The following CLPB variants were observed in gnomAD, a reference collection of about 807,000 sequenced individuals.
CLPB encodes mitochondrial disaggregase.
Under a neutral mutation model 78.4 loss-of-function variants are expected in CLPB, and 40 were observed. The observed-to-expected ratio is 0.51, with a 90% CI of 0.40 to 0.66. The LOEUF is 0.66. Among genes scored for constraint, CLPB ranks in the 30% least tolerant of loss-of-function variants. The pLI is 0.00. For missense variants in CLPB, 780 were observed against 886.9 expected (o/e 0.88, Z 1.53); for synonymous variants, 333 against 348.0 (o/e 0.96, Z 0.48).
chr11:72,422,723 C>T (rs1856247105), intron 2 of CLPB, among the ~76,000 whole-genome samples: 1 of 152,200 alleles, frequency 6.6e-6, no homozygotes. Context: ...ATCTTCCCAT[C>T]CAGCCAAAAT....
chr11:72,303,077 G>A (rs1949688439), intron 9 of CLPB: 1 of 152,280 alleles, frequency 6.6e-6, no homozygotes, highest in Non-Finnish European at 1.5e-5. Flanking sequence ...CTTGCATTAT[G>A]TGATCTGAAG....
rs537859125 is a variant in CLPB, at chr11:72,300,563, C to T, written c.1329+1240G>A. 6.6e-5 allele frequency among the ~76,000 whole-genome samples: 10 copies of T among 152,172 alleles called. No individual in the cohort carries two copies. The Middle Eastern group carries it at 0.01, about 155-fold the overall frequency. ...GAAGGGCTAGGAAGATACAACGGAA[C>T]GGGCAGGGGCAAGGAGGCTGGGCCA... On this transcript the variant is annotated intron_variant, in intron 11 of 15. Coordinates refer to ENST00000538039, the MANE Select transcript of CLPB (RefSeq NM_001258392.3).
At position 72,322,149 on chromosome 11, in the gene CLPB, T is replaced by C. The variant is rs34943388; in HGVS notation, c.874-4929A>G. Among the ~76,000 whole-genome samples, 674 of 152,230 alleles carry C rather than the reference T, an allele frequency of 4.4e-3. 2 individuals are homozygous for C. The highest frequency in any genetic ancestry group is 7.7e-3 in the Non-Finnish European group (521 of 68,008). On this transcript the variant is annotated intron_variant, in intron 6 of 15. Transcript: ENST00000538039. ...CTAGTCCACAAAGGACACATCCCTG[T>C]AGAGGAAGGCCGAAAACAAAGCAGG...
At chr11:72,316,997 A>G (rs1949954660) in intron 7 of CLPB, 109 bp downstream of exon 7, 1 of 688,496 alleles carries the variant, frequency 1.5e-6, no homozygotes, top group Non-Finnish European at 2.4e-6. Context: ...ATAGTACTCA[A>G]CAAATGCTAA....
chr11:72,359,180 G>C, intron 4 of CLPB, 172 bp from the exon 5 acceptor site: 1 of 874,798 alleles, frequency 1.1e-6, no homozygotes, highest in Non-Finnish European at 1.9e-6. Context: ...AGGCAAAACA[G>C]AGGCCAGTTA....
At chr11:72,341,439 T>A (rs1950418709) in intron 5 of CLPB, among the ~76,000 whole-genome samples, 1 of 152,088 alleles carries the variant, frequency 6.6e-6, no homozygotes, top group Admixed American at 6.6e-5. Context: ...AATAAAATAG[T>A]CTCCTAAAAT....
chr11:72,433,591 A>C (rs1267784067), intron 1 of CLPB, among the ~76,000 whole-genome samples: 1 of 149,770 alleles, frequency 6.7e-6, no homozygotes, highest in Admixed American at 6.6e-5. Flanking sequence ...AAATAAATAA[A>C]TTGAGGTCAA....
At chr11:72,315,785 A>G (rs1197535563) in intron 7 of CLPB, among the ~76,000 whole-genome samples, 4 of 152,108 alleles carry the variant, frequency 2.6e-5, no homozygotes, top group Non-Finnish European at 4.4e-5. Flanking sequence ...CCTACCACAC[A>G]TGTGACACTA....
chr11:72,306,165 C>T (rs1949742792), intron 9 of CLPB, among the ~76,000 whole-genome samples: 1 of 152,258 alleles, frequency 6.6e-6, no homozygotes, highest in South Asian at 2.1e-4. Context: ...AGCACAGCTA[C>T]TGGCAGAGCT....
At chr11:72,403,632 A>G (rs1277484633) in intron 2 of CLPB, among the ~76,000 whole-genome samples, 1 of 152,184 alleles carries the variant, frequency 6.6e-6, no homozygotes, top group Non-Finnish European at 1.5e-5. Context: ...CCTCAAGTTT[A>G]TCTGTACTGT....
intron 4 of CLPB, among the ~76,000 whole-genome samples, chr11:72,366,650 A>C (rs541202224): frequency 2.9e-4 from 44 of 152,326 alleles, no homozygotes; most frequent in African/African-American, 9.4e-4. Flanking sequence ...ACATATGAAA[A>C]AATGTTCAAC....
chr11:72,294,680 T>A lies in CLPB; in HGVS notation c.1500A>T (p.Ile500=). ...RIAENLGDVQ[I]SDKITISKNF... is the part of the protein sequence containing the mutation. ...TCTTTGAGATGGTGATCTTGTCACT[T>A]ATCTGGACATCCCCTGTGGAGAAGA... The change falls in exon 13 of 16, where the codon ATA becomes ATT. Residue 500 remains isoleucine (I), a synonymous_variant. Coordinates refer to ENST00000538039, the MANE Select transcript of CLPB (RefSeq NM_001258392.3). The A allele has an allele frequency of 3.7e-6, 6 of 1,613,880 alleles. No individual in the cohort carries two copies. The highest frequency in any genetic ancestry group is 5.1e-6 in the Non-Finnish European group (6 of 1,179,690).
chr11:72,302,132 T>C, intron 10 of CLPB, 168 bp from the exon 11 acceptor site: 1 of 969,558 alleles, frequency 1.0e-6, no homozygotes, highest in South Asian at 1.6e-5. Flanking sequence ...CTATGTTTAT[T>C]CTTCAGAGCA....
At chr11:72,309,604 C>T (rs1427160589) in intron 7 of CLPB, among the ~76,000 whole-genome samples, 4 of 152,210 alleles carry the variant, frequency 2.6e-5, no homozygotes, top group African/African-American at 9.6e-5. Context: ...CAGATAGAGA[C>T]TTGCCCAAGT....
rs1949437614 is a variant in CLPB at position 72,290,431 on chromosome 11, A to T, written c.*2936T>A. The T allele has an allele frequency of 6.6e-6, 1 of 152,254 alleles. No individual in the cohort carries two copies. Among genetic ancestry groups the T allele is most frequent in the Non-Finnish European group, 1.5e-5 (1 of 68,042 alleles). 9.4% of individuals were successfully genotyped at this position (152,254 alleles called of 1,614,324 possible). On this transcript the variant is annotated 3_prime_UTR_variant, in exon 16 of 16. Coordinates refer to ENST00000538039, the MANE Select transcript of CLPB (RefSeq NM_001258392.3). Reference sequence around the variant, plus strand: ...AGAATACCAATTAATAAATACAGGTAAAATAATGAAACAAAGTCACCATTA... The same window carrying T: ...AGAATACCAATTAATAAATACAGGTTAAATAATGAAACAAAGTCACCATTA...
chr11:72,362,848 A>C (rs1950866095), intron 4 of CLPB, among the ~76,000 whole-genome samples: 1 of 152,206 alleles, frequency 6.6e-6, no homozygotes, highest in South Asian at 2.1e-4. Flanking sequence ...TTCCTCTCAG[A>C]AAGGCACAGT....
At chr11:72,377,683 A>AAGGGGAAGGGG (rs1854756077) in intron 4 of CLPB, among the ~76,000 whole-genome samples, 1 of 150,278 alleles carries the variant, frequency 6.7e-6, no homozygotes, top group African/African-American at 2.5e-5. Context: ...AGGGGAAGGG[A>AAGGGGAAGGGG]AGGGGAAGGG....
chr11:72,379,577 C>T (rs908292943), intron 4 of CLPB, among the ~76,000 whole-genome samples: 1 of 152,152 alleles, frequency 6.6e-6, no homozygotes, highest in Non-Finnish European at 1.5e-5. Flanking sequence ...GACATTCAAT[C>T]CCCAAGACTC....
At chr11:72,313,475 C>A (rs1949883772) in intron 7 of CLPB, among the ~76,000 whole-genome samples, 1 of 152,226 alleles carries the variant, frequency 6.6e-6, no homozygotes, top group African/African-American at 2.4e-5. Flanking sequence ...GCTTCATTCA[C>A]TGAGTTCAAC....
Sources: gnomAD v4.1 joint callset for allele counts (sites outside exome capture counted in the v4.1 genomes callset) on GRCh38, gnomAD v4.1.1 for gene constraint, MANE v1.5 for transcripts, NCBI Gene and HGNC (gene_info 2026-07-23, HGNC 2026-07-21) for gene names.